GLT8D2: variants seen among roughly 807,000 people sequenced by gnomAD.
GLT8D2 encodes glycosyltransferase 8 domain-containing protein 2.
A neutral mutation model predicts 44.5 loss-of-function variants in GLT8D2; 45 were observed. The observed-to-expected ratio is 1.01, with a 90% CI of 0.80 to 1.30. The LOEUF is 1.30. GLT8D2 is among the 50% of genes most tolerant of loss of function. The pLI, the probability that GLT8D2 is intolerant of heterozygous loss-of-function variation, is 0.00. For missense variants in GLT8D2, 400 were observed against 430.4 expected (o/e 0.93, Z 0.62); for synonymous variants, 156 against 157.2 (o/e 0.99, Z 0.06).
intron 1 of GLT8D2, among the ~76,000 whole-genome samples, chr12:104,023,935 C>A (rs11111876): frequency 0.086 from 13,034 of 152,248 alleles, 696 homozygotes; most frequent in East Asian, 0.2. Flanking sequence ...CATTCACCCA[C>A]TGAAGGACAT....
intron 1 of GLT8D2, among the ~76,000 whole-genome samples, chr12:104,022,789 T>C (rs965993542): frequency 1.3e-5 from 2 of 150,144 alleles, no homozygotes; most frequent in African/African-American, 5.0e-5. Flanking sequence ...CACACACACA[T>C]GCACACACAC....
intron 1 of GLT8D2, among the ~76,000 whole-genome samples, chr12:104,029,057 T>C (rs768555895): frequency 7.2e-5 from 11 of 152,178 alleles, no homozygotes; most frequent in Non-Finnish European, 1.2e-4. Context: ...TTTGGGAGGC[T>C]GAGGCAGGTG....
intron 1 of GLT8D2, among the ~76,000 whole-genome samples, chr12:104,058,224 T>G (rs1474317811): frequency 1.3e-5 from 2 of 152,208 alleles, no homozygotes; most frequent in Non-Finnish European, 2.9e-5. Context: ...AGAAGCTGGT[T>G]GTCTATGCCT....
upstream of GLT8D2, among the ~76,000 whole-genome samples, chr12:104,053,651 A>T (rs1474006230): frequency 6.6e-6 from 1 of 152,170 alleles, no homozygotes; most frequent in Non-Finnish European, 1.5e-5. Context: ...TTGGGAGGCC[A>T]AGGTGGGTGG....
chr12:104,050,612 C>T (rs1290708016), upstream of GLT8D2, among the ~76,000 whole-genome samples: 3 of 152,228 alleles, frequency 2.0e-5, no homozygotes, highest in African/African-American at 7.2e-5. Flanking sequence ...CTGACCTCAA[C>T]AGCAATCTGC....
At chr12:104,002,745 A>G (rs1874386625) in intron 5 of GLT8D2, among the ~76,000 whole-genome samples, 1 of 152,154 alleles carries the variant, frequency 6.6e-6, no homozygotes, top group Non-Finnish European at 1.5e-5. Context: ...GGATTTCAAG[A>G]CAAACCTAAG....
intron 1 of GLT8D2, among the ~76,000 whole-genome samples, chr12:104,039,796 G>C (rs772360277): frequency 6.6e-6 from 1 of 152,172 alleles, no homozygotes; most frequent in African/African-American, 2.4e-5. Context: ...CTATTACTGG[G>C]TATATACCCA....
At chr12:104,001,341 T>C (rs1874190069) in intron 5 of GLT8D2, among the ~76,000 whole-genome samples, 1 of 152,242 alleles carries the variant, frequency 6.6e-6, no homozygotes, top group Non-Finnish European at 1.5e-5. Flanking sequence ...ACTAGCATTG[T>C]TGTACACGTA....
chr12:103,999,299 A>G (rs1367098523), intron 6 of GLT8D2, 98 bp downstream of exon 6: 8 of 681,606 alleles, frequency 1.2e-5, no homozygotes, highest in East Asian at 1.0e-4. Flanking sequence ...CATGGCTTCA[A>G]AAATAATATT....
At chr12:104,030,759 C>G (rs934966062) in intron 1 of GLT8D2, 6 of 1,611,976 alleles carry the variant, frequency 3.7e-6, no homozygotes, top group Non-Finnish European at 5.1e-6. Context: ...CAGTCGGTGC[C>G]GCATCCCCAG....
At chr12:103,992,491 C>CT (rs1232659471) in intron 10 of GLT8D2, among the ~76,000 whole-genome samples, 8,959 of 129,942 alleles carry the variant, frequency 0.069, 638 homozygotes, top group African/African-American at 0.17. Flanking sequence ...CTCTCTCTCT[C>CT]TTTTTTTTTT....
chr12:103,994,601 C>T, intron 8 of GLT8D2, 100 bp from the exon 9 acceptor site: 1 of 1,083,094 alleles, frequency 9.2e-7, no homozygotes, highest in Admixed American at 2.5e-5. Flanking sequence ...TTTGGGTTTC[C>T]TCCTGTGTCA....
chr12:104,058,975 G>A (rs1267174972), intron 1 of GLT8D2, among the ~76,000 whole-genome samples: 1 of 152,212 alleles, frequency 6.6e-6, no homozygotes. Context: ...CATACAGTGT[G>A]GAAACACTGG....
At chr12:104,014,221 G>T in intron 4 of GLT8D2, 1 of 680,928 alleles carries the variant, frequency 1.5e-6, no homozygotes, top group South Asian at 1.5e-5. Flanking sequence ...TGGGCGTGGT[G>T]GCACACACCT....
intron 4 of GLT8D2, among the ~76,000 whole-genome samples, chr12:104,005,086 C>T (rs1874796526): frequency 2.0e-5 from 3 of 152,196 alleles, no homozygotes; most frequent in Admixed American, 2.0e-4. Flanking sequence ...CACACATCTA[C>T]AACCATCTGA....
At chr12:104,056,785 GC>G (rs1300726550) in intron 1 of GLT8D2, among the ~76,000 whole-genome samples, 2 of 152,208 alleles carry the variant, frequency 1.3e-5, no homozygotes, top group East Asian at 3.8e-4. Context: ...ACAGATGCAC[GC>G]CATGGTCAGT....
At chr12:104,038,678 C>T (rs991012199) in intron 1 of GLT8D2, among the ~76,000 whole-genome samples, 10 of 152,158 alleles carry the variant, frequency 6.6e-5, no homozygotes, top group Non-Finnish European at 1.0e-4. Flanking sequence ...ATTCCATGTT[C>T]GTGAATAGGA....
At chr12:104,061,915 G>A (rs1882681630) in intron 1 of GLT8D2, among the ~76,000 whole-genome samples, 1 of 148,558 alleles carries the variant, frequency 6.7e-6, no homozygotes, top group Admixed American at 6.8e-5. Context: ...GGTGGAGGTT[G>A]CAGTGAGCCA....
intron 10 of GLT8D2, among the ~76,000 whole-genome samples, chr12:103,992,123 G>A (rs1178152323): frequency 1.3e-5 from 2 of 152,156 alleles, no homozygotes; most frequent in African/African-American, 2.4e-5. Context: ...CTGGCCCAGC[G>A]GTTTTGGATC....
Sources: allele counts gnomAD v4.1 joint callset (sites outside exome capture counted in the v4.1 genomes callset), GRCh38; gene constraint gnomAD v4.1.1; transcripts MANE v1.5; gene names NCBI Gene and HGNC (gene_info 2026-07-23, HGNC 2026-07-21).